WDR11: variants seen among roughly 807,000 people sequenced by gnomAD.
WDR11 encodes the protein WD repeat domain 11.
In WDR11, 83 loss-of-function variants were observed where a neutral mutation model predicts 151.2. That is an observed-to-expected ratio of 0.55 (90% confidence interval 0.46 to 0.66). WDR11 has a LOEUF of 0.66. Ranked by LOEUF, WDR11 falls within the 30% of genes least tolerant of loss-of-function variation. The pLI, the probability that WDR11 is intolerant of heterozygous loss-of-function variation, is 0.00. For synonymous variants in WDR11, 484 were observed against 533.1 expected, an observed-to-expected ratio of 0.91 and a Z score of 1.27; for missense variants, 1,301 against 1,480.9, an observed-to-expected ratio of 0.88 and a Z score of 1.99.
chr10:120,879,744 A>G (rs918179759), intron 12 of WDR11: 2 of 152,172 alleles, frequency 1.3e-5, no homozygotes, highest in African/African-American at 4.8e-5. Flanking sequence ...GGGTATAATA[A>G]TAGTGAGTAT....
At chr10:120,905,256 T>C in intron 25 of WDR11, 63 bp from the exon 26 acceptor site, 1 of 1,547,276 alleles carries the variant, frequency 6.5e-7, no homozygotes, top group Non-Finnish European at 8.9e-7. Context: ...GATTTAACTT[T>C]TTAATGACTT....
At chr10:120,878,215 A>G in intron 11 of WDR11, 138 bp from the exon 12 acceptor site, 1 of 657,804 alleles carries the variant, frequency 1.5e-6, no homozygotes, top group Non-Finnish European at 2.6e-6. Context: ...AGGTCATGTT[A>G]AGATAAAAGG....
rs1845816126 is a variant in WDR11 at position 120,852,520 on chromosome 10, C to T, written c.87-4C>T. 3 of 1,613,340 alleles carry T rather than the reference C, an allele frequency of 1.9e-6. No homozygotes were observed. Among genetic ancestry groups the T allele is most frequent in the Non-Finnish European group, 2.5e-6 (3 of 1,179,410 alleles). On this transcript the variant is annotated splice_polypyrimidine_tract_variant and splice_region_variant and intron_variant, in intron 1 of 28. Coordinates refer to ENST00000263461, the MANE Select transcript of WDR11 (RefSeq NM_018117.12). ...CTTAAACTTTAACATTACTGTTTTG[C>T]TAGGGGCTGGCAAGGTTTAATTGCT... is the stretch of plus-strand genomic sequence containing the variant.
At chr10:120,869,893 G>A (rs1442420868) in intron 9 of WDR11, among the ~76,000 whole-genome samples, 5 of 152,066 alleles carry the variant, frequency 3.3e-5, no homozygotes, top group African/African-American at 7.2e-5. Flanking sequence ...GAGTTCAAGC[G>A]ATTCTCCTGC....
At position 120,901,075 on chromosome 10, in the gene WDR11, A is replaced by G; in HGVS notation, c.2664A>G (p.Gln888=). ...PENEEIKNLL[Q]EQLNSLSNDI... is the part of the protein sequence containing the mutation. ...ATGAAGAAATAAAGAATCTCCTCCA[A>G]GAACAGTTGAATTCATTGTCTAAGT... Residue 888 remains glutamine (Q), a synonymous_variant, in exon 21 of 29, where the codon CAA becomes CAG. Transcript: ENST00000263461. 2 of 1,613,182 alleles carry G rather than the reference A, an allele frequency of 1.2e-6. No homozygotes were observed. Among genetic ancestry groups the G allele is most frequent in the Non-Finnish European group, 1.7e-6 (2 of 1,179,226 alleles).
intron 5 of WDR11, among the ~76,000 whole-genome samples, chr10:120,863,334 A>G (rs1344179743): frequency 2.0e-5 from 3 of 152,196 alleles, no homozygotes; most frequent in Non-Finnish European, 4.4e-5. Context: ...TTTCTTATGC[A>G]GGTGAAGATG....
intron 18 of WDR11, among the ~76,000 whole-genome samples, chr10:120,890,494 G>A (rs937152064): frequency 7.2e-5 from 11 of 152,174 alleles, no homozygotes; most frequent in African/African-American, 1.4e-4. Context: ...GATTATAGGC[G>A]TCAGCCACCG....
intron 2 of WDR11, among the ~76,000 whole-genome samples, chr10:120,854,362 G>A (rs1380271001): frequency 6.6e-6 from 1 of 152,170 alleles, no homozygotes; most frequent in African/African-American, 2.4e-5. Context: ...TCAATACTCT[G>A]TTACTGATGA....
At chr10:120,873,774 AC>A (rs1846632309) in intron 10 of WDR11, 64 bp from the exon 11 acceptor site, 2 of 1,100,664 alleles carry the variant, frequency 1.8e-6, no homozygotes, top group Non-Finnish European at 2.8e-6. Context: ...TTGAGAAAAG[AC>A]TTTTCTTGCA....
intron 3 of WDR11, 131 bp downstream of exon 3, chr10:120,858,927 C>A (rs1364478044): frequency 5.3e-6 from 6 of 1,140,744 alleles, no homozygotes; most frequent in Non-Finnish European, 7.7e-6. Flanking sequence ...TGTGTTTTGC[C>A]TATTCTGCTG....
intron 19 of WDR11, among the ~76,000 whole-genome samples, chr10:120,899,305 A>G (rs1847726963): frequency 2.0e-5 from 3 of 152,134 alleles, no homozygotes; most frequent in Non-Finnish European, 4.4e-5. Context: ...TCAGTGACAT[A>G]CTCAAGGTTG....
chr10:120,871,445 TA>T, intron 10 of WDR11, 99 bp downstream of exon 10: 1 of 1,264,868 alleles, frequency 7.9e-7, no homozygotes, highest in South Asian at 1.3e-5. Context: ...GAGGATGCTT[TA>T]AAAGGAGATA....
At chr10:120,900,228 A>T (rs1847764235) in intron 20 of WDR11, 91 bp downstream of exon 20, 1 of 1,110,120 alleles carries the variant, frequency 9.0e-7, no homozygotes, top group African/African-American at 1.5e-5. Context: ...TCCAGCATTT[A>T]AAGGGAATGG....
chr10:120,880,777 T>C (rs1846974491), intron 12 of WDR11, 49 bp from the exon 13 acceptor site: 10 of 1,506,306 alleles, frequency 6.6e-6, no homozygotes, highest in Non-Finnish European at 9.1e-6. Flanking sequence ...TTGTTTTTCA[T>C]ACATGTTTTA....
chr10:120,895,598 G>A (rs1287512314), intron 19 of WDR11, among the ~76,000 whole-genome samples: 3 of 152,078 alleles, frequency 2.0e-5, no homozygotes, highest in Non-Finnish European at 4.4e-5. Flanking sequence ...ATGATTACCT[G>A]GAGGAAAGTA....
In WDR11 at chr10:120,866,591, T is replaced by C. The variant is rs774417914; in HGVS notation, c.1017T>C (p.Leu339=). The stretch of plus-strand genomic sequence containing the variant: ...AAGATCCAGATCCAGTTCAGGAGCT[T>C]ACCTATGATTTACGAAGCCAGTGTG... The part of the protein sequence containing the change: ...EEPDPDPVQE[L]TYDLRSQCDA... Residue 339 remains leucine (L), a synonymous_variant, in exon 8 of 29, where the codon CTT becomes CTC. Coordinates refer to ENST00000263461, the MANE Select transcript of WDR11 (RefSeq NM_018117.12). The C allele has an allele frequency of 3.1e-6, 5 of 1,614,016 alleles. No homozygotes were observed. Among genetic ancestry groups the C allele is most frequent in the Admixed American group, 1.7e-5 (1 of 60,002 alleles).
chr10:120,894,472 A>C (rs908890399), intron 19 of WDR11, among the ~76,000 whole-genome samples: 4 of 152,138 alleles, frequency 2.6e-5, no homozygotes, highest in Admixed American at 6.5e-5. Context: ...GATCTGGCGC[A>C]ATGAAGAATT....
intron 23 of WDR11, 53 bp downstream of exon 23, chr10:120,903,285 A>G: frequency 1.3e-6 from 2 of 1,593,076 alleles, no homozygotes; most frequent in Non-Finnish European, 8.6e-7. Flanking sequence ...GATTACTTAT[A>G]TCTTTGTCAA....
chr10:120,888,046 A>G (rs1224910487), intron 16 of WDR11, among the ~76,000 whole-genome samples: 2 of 152,112 alleles, frequency 1.3e-5, no homozygotes, highest in Admixed American at 1.3e-4. Context: ...GTGCTAGTCC[A>G]CTAATGGTCA....
Sources: allele counts gnomAD v4.1 joint callset (sites outside exome capture counted in the v4.1 genomes callset), GRCh38; gene constraint gnomAD v4.1.1; transcripts MANE v1.5; gene names NCBI Gene and HGNC (gene_info 2026-07-23, HGNC 2026-07-21).